The following PLXDC1 variants were observed in gnomAD, a reference collection of about 807,000 sequenced individuals.
The protein encoded by PLXDC1 is plexin domain containing 1, also known as plexin domain-containing protein 1.
A neutral mutation model predicts 61.3 loss-of-function variants in PLXDC1; 39 were observed. The ratio of observed to expected loss-of-function variants is 0.64; its 90% CI spans 0.49 to 0.83. PLXDC1 has a LOEUF of 0.83. PLXDC1 is among the 40% of genes least tolerant of loss of function. PLXDC1 has a pLI of 0.00. For missense variants in PLXDC1, 596 were observed against 666.5 expected (o/e 0.89, Z 1.17); for synonymous variants, 212 against 254.5 (o/e 0.83, Z 1.59).
intron 7 of PLXDC1, among the ~76,000 whole-genome samples, chr17:39,104,008 T>A (rs1910511711): frequency 6.6e-6 from 1 of 152,194 alleles, no homozygotes; most frequent in Admixed American, 6.6e-5. Context: ...TGTGGCGGCA[T>A]CTGACCTGCG....
rs1379456355 is a variant in PLXDC1, at chr17:39,151,175, A to C, written c.76+187T>G. ...CATCGGTGTCTCCACCGTCACTCAC[A>C]CACCCTATGTGTTTGGGAAAGTGGG... is the stretch of plus-strand genomic sequence containing the variant. On this transcript the variant is annotated intron_variant, in intron 1 of 13. Transcript: ENST00000315392. The surrounding 1 kb of genome is among the most constrained non-coding windows in gnomAD (Gnocchi z 5.2). 2.0e-5 allele frequency among the ~76,000 whole-genome samples: 3 copies of C among 152,126 alleles called. No homozygotes were observed. Among genetic ancestry groups the C allele is most frequent in the Non-Finnish European group, 4.4e-5 (3 of 68,016 alleles).
intron 2 of PLXDC1, among the ~76,000 whole-genome samples, chr17:39,118,029 G>A (rs536572044): frequency 1.3e-4 from 20 of 151,994 alleles, no homozygotes; most frequent in South Asian, 2.1e-4. Flanking sequence ...TACCCGCGGC[G>A]TTCTAGAGCC....
chr17:39,069,943 C>T lies in PLXDC1; in HGVS notation c.1296G>A (p.Leu432=), dbSNP rs201101402. The change falls in exon 13 of 14, where the codon CTG becomes CTA. Residue 432 remains leucine, a synonymous_variant. Transcript: ENST00000315392. Reference sequence around the variant, plus strand: ...TGATGGCCGCCACGAGGAGGACTGCCAGCACGATGCCCACGATGGTGCCCA... The same window carrying T: ...TGATGGCCGCCACGAGGAGGACTGCTAGCACGATGCCCACGATGGTGCCCA... The part of the protein sequence containing the change: ...VHLGTIVGIV[L]AVLLVAAIIL... 5.6e-6 allele frequency: 9 copies of T among 1,613,502 alleles called. No individual in the cohort carries two copies. The highest frequency in any genetic ancestry group is 7.6e-6 in the Non-Finnish European group (9 of 1,179,580).
At chr17:39,119,063 T>TG (rs1911079262) in intron 2 of PLXDC1, among the ~76,000 whole-genome samples, 1 of 152,182 alleles carries the variant, frequency 6.6e-6, no homozygotes, top group Admixed American at 6.5e-5. Context: ...AGGCAAGAAC[T>TG]GGGGGAGGGG....
intron 9 of PLXDC1, 149 bp downstream of exon 9, chr17:39,083,310 A>G (rs1176663417): frequency 2.9e-6 from 2 of 686,968 alleles, no homozygotes; most frequent in Non-Finnish European, 5.4e-6. Flanking sequence ...CCCCCAGGCC[A>G]TGTTCTTGTC....
chr17:39,107,535 A>C lies in PLXDC1; in HGVS notation c.593-10T>G. The C allele has an allele frequency of 6.3e-7, 1 of 1,583,214 alleles. No homozygotes were observed. Among genetic ancestry groups the C allele is most frequent in the Non-Finnish European group, 8.7e-7 (1 of 1,151,680 alleles). ...ACCACAAAGACTGTCCCTGGGGAGAAGAACAGAGACCCGGCTGGACGGGAG... is the reference window on the plus strand; with the variant it reads ...ACCACAAAGACTGTCCCTGGGGAGACGAACAGAGACCCGGCTGGACGGGAG... On this transcript the variant is annotated splice_polypyrimidine_tract_variant and intron_variant, in intron 5 of 13. Transcript: ENST00000315392.
At chr17:39,107,848 T>G in intron 5 of PLXDC1, 3 of 569,594 alleles carry the variant, frequency 5.3e-6, no homozygotes, top group Non-Finnish European at 9.4e-6. Flanking sequence ...TCAAGGGACA[T>G]CCTGGTGAAT....
intron 8 of PLXDC1, among the ~76,000 whole-genome samples, chr17:39,087,286 A>G (rs1023681148): frequency 6.6e-6 from 1 of 152,182 alleles, no homozygotes; most frequent in Non-Finnish European, 1.5e-5. Context: ...GCGTTCTCAG[A>G]GGTACAGCTT....
At chr17:39,108,616 T>C (rs1456658048) in intron 4 of PLXDC1, 2 of 515,154 alleles carry the variant, frequency 3.9e-6, no homozygotes, top group Non-Finnish European at 7.0e-6. Context: ...CTCAGTGGAG[T>C]CTCCCTCTCC....
At chr17:39,133,680 G>A (rs532298944) in intron 2 of PLXDC1, among the ~76,000 whole-genome samples, 6 of 152,142 alleles carry the variant, frequency 3.9e-5, no homozygotes, top group Middle Eastern at 3.4e-3. Context: ...GTGCTGTGGC[G>A]CGACCATGGC....
intron 2 of PLXDC1, among the ~76,000 whole-genome samples, chr17:39,118,698 T>C (rs975469001): frequency 2.0e-5 from 3 of 152,208 alleles, no homozygotes; most frequent in Admixed American, 2.0e-4. Flanking sequence ...CACAGTCTCC[T>C]ACATGACCCT....
At chr17:39,146,756 AG>A (rs1418793648) in intron 1 of PLXDC1, among the ~76,000 whole-genome samples, 5 of 142,566 alleles carry the variant, frequency 3.5e-5, no homozygotes, top group Non-Finnish European at 8.0e-5. Flanking sequence ...CTCAGGAAGC[AG>A]AGGCAGGAGG....
Position 39,085,399 on chromosome 17 carries a change from C to T in PLXDC1, c.908-1859G>A, listed in dbSNP as rs80193280. The stretch of plus-strand genomic sequence containing the variant: ...TCTGGCTGTTTTGTTCCCTGTGTAT[C>T]CAGAGGGTCTGGAACAGTGCCTGGC... On this transcript the variant is annotated intron_variant, in intron 8 of 13. Coordinates refer to ENST00000315392, the MANE Select transcript of PLXDC1 (RefSeq NM_020405.5). Among the ~76,000 whole-genome samples, 603 of 152,300 alleles carry T rather than the reference C, an allele frequency of 4.0e-3. 25 individuals carry two copies. In the East Asian group the frequency reaches 0.092, roughly 23 times the overall value.
intron 7 of PLXDC1, among the ~76,000 whole-genome samples, chr17:39,088,943 G>GAAAAAAAAAAAAAAAAGAAAAAAAA (rs1909841905): frequency 1.6e-5 from 1 of 63,914 alleles, no homozygotes; most frequent in Non-Finnish European, 2.8e-5. Context: ...GAGCAAGACT[G>GAAAAAAAAAAAAAAAAGAAAAAAAA]AAAAAAAAAA....
chr17:39,088,345 T>C (rs1435567347), intron 7 of PLXDC1, among the ~76,000 whole-genome samples: 1 of 152,040 alleles, frequency 6.6e-6, no homozygotes, highest in African/African-American at 2.4e-5. Context: ...CAGGCTCGAG[T>C]CCTACTTTGG....
Position 39,064,302 on chromosome 17 carries a change from G to T in PLXDC1, c.*3538C>A, listed in dbSNP as rs769105493. 1.3e-5 allele frequency: 2 copies of T among 152,218 alleles called. No individual in the cohort carries two copies. The highest frequency in any genetic ancestry group is 2.4e-5 in the African/African-American group (1 of 41,416). The allele number at this position is 152,218 out of a possible 1,614,324, so 9.4% of individuals were successfully genotyped here. On this transcript the variant is annotated 3_prime_UTR_variant, in exon 14 of 14. Transcript: ENST00000315392. The stretch of plus-strand genomic sequence containing the variant: ...CTCCCAAGTACCTGGGACTACAGGC[G>T]TGAGCCACTGCACCTGGCCATGTAG...
At chr17:39,142,907 G>C (rs533710137) in intron 1 of PLXDC1, among the ~76,000 whole-genome samples, 3 of 152,288 alleles carry the variant, frequency 2.0e-5, no homozygotes, top group African/African-American at 4.8e-5. Flanking sequence ...GGAGGCTGAG[G>C]TGGGTGGATC....
intron 2 of PLXDC1, among the ~76,000 whole-genome samples, chr17:39,118,202 C>A (rs976004174): frequency 1.3e-5 from 2 of 150,918 alleles, no homozygotes; most frequent in African/African-American, 4.9e-5. Flanking sequence ...GTCTCTCTCT[C>A]TTTTCTTTTC....
At chr17:39,144,462 C>A (rs1305462941) in intron 1 of PLXDC1, among the ~76,000 whole-genome samples, 3 of 152,232 alleles carry the variant, frequency 2.0e-5, no homozygotes, top group African/African-American at 7.2e-5. Flanking sequence ...TCTTACTCTT[C>A]CAACCCATAC....
Sources: allele counts gnomAD v4.1 joint callset (sites outside exome capture counted in the v4.1 genomes callset), GRCh38; gene constraint gnomAD v4.1.1; non-coding constraint Gnocchi (gnomAD v3.1); transcripts MANE v1.5; gene names NCBI Gene and HGNC (gene_info 2026-07-23, HGNC 2026-07-21).